CSMD1: variants seen among roughly 807,000 people sequenced by gnomAD.
The protein encoded by CSMD1 is CUB and Sushi multiple domains 1.
Under a neutral mutation model 417.5 loss-of-function variants are expected in CSMD1, and 213 were observed. The ratio of observed to expected loss-of-function variants is 0.51; its 90% confidence interval spans 0.46 to 0.57. The LOEUF is 0.57. Among genes scored for constraint, CSMD1 ranks in the 20% least tolerant of loss-of-function variants. CSMD1 has a pLI of 0.00. For missense variants in CSMD1, 6,923 were observed against 4,529.7 expected (o/e 1.53, Z -15.17); for synonymous variants, 2,862 against 1,736.8 (o/e 1.65, Z -16.11).
At chr8:4,164,792 C>T (rs995901601) in intron 3 of CSMD1, among the ~76,000 whole-genome samples, 1 of 151,742 alleles carries the variant, frequency 6.6e-6, no homozygotes, top group African/African-American at 2.4e-5. Flanking sequence ...AGGAGAATGG[C>T]GTGAAATCCA....
chr8:4,560,827 C>T (rs757831425), intron 2 of CSMD1, among the ~76,000 whole-genome samples: 50 of 152,280 alleles, frequency 3.3e-4, no homozygotes, highest in Admixed American at 9.8e-4. Context: ...CTCTTCTGTC[C>T]TTCACAAGAG....
chr8:4,827,937 T>A (rs1799930478), intron 1 of CSMD1, among the ~76,000 whole-genome samples: 1 of 152,204 alleles, frequency 6.6e-6, no homozygotes, highest in Admixed American at 6.5e-5. Flanking sequence ...TATTCATTCA[T>A]GAGTTTCAAA....
At chr8:3,399,018 T>C (rs1248431767) in intron 16 of CSMD1, among the ~76,000 whole-genome samples, 2 of 152,122 alleles carry the variant, frequency 1.3e-5, no homozygotes, top group Non-Finnish European at 2.9e-5. Flanking sequence ...GGAGAGCTGA[T>C]TTCCTCTACC....
At chr8:3,383,501 A>T (rs993958716) in intron 18 of CSMD1, among the ~76,000 whole-genome samples, 3 of 152,194 alleles carry the variant, frequency 2.0e-5, no homozygotes, top group Non-Finnish European at 2.9e-5. Context: ...ACACTAGGAA[A>T]ACCTCATGCA....
At chr8:4,303,825 G>A (rs1264521342) in intron 3 of CSMD1, among the ~76,000 whole-genome samples, 2 of 151,824 alleles carry the variant, frequency 1.3e-5, no homozygotes, top group Admixed American at 6.6e-5. Flanking sequence ...CCGGCTAATT[G>A]TTGTAGTTTT....
intron 41 of CSMD1, among the ~76,000 whole-genome samples, chr8:3,118,971 G>A (rs1204284384): frequency 6.6e-6 from 1 of 152,196 alleles, no homozygotes; most frequent in Non-Finnish European, 1.5e-5. Context: ...ACGAGGTCAG[G>A]AGATCAAGAC....
At chr8:4,788,307 A>G in intron 1 of CSMD1, 1 of 1,580,798 alleles carries the variant, frequency 6.3e-7, no homozygotes, top group Non-Finnish European at 8.6e-7. Context: ...AGGCAGAAGT[A>G]ATGGTTTGGG....
chr8:3,498,047 AT>A (rs1188202526), intron 10 of CSMD1, among the ~76,000 whole-genome samples: 1 of 152,106 alleles, frequency 6.6e-6, no homozygotes, highest in African/African-American at 2.4e-5. Context: ...TACAACTCTA[AT>A]GTATAGCTTT....
intron 6 of CSMD1, among the ~76,000 whole-genome samples, chr8:3,714,581 A>AAAAT (rs2129042297): frequency 6.7e-6 from 1 of 149,064 alleles, no homozygotes; most frequent in South Asian, 2.2e-4. Context: ...AAAAAAAAAA[A>AAAAT]TTAGCCCCAG....
intron 1 of CSMD1, among the ~76,000 whole-genome samples, chr8:4,741,183 C>T (rs1212467021): frequency 1.3e-5 from 2 of 152,092 alleles, no homozygotes; most frequent in African/African-American, 2.4e-5. Flanking sequence ...ATGTAAGTGT[C>T]AGAGGCATTT....
chr8:3,179,685 T>C lies in CSMD1; in HGVS notation c.5725+1425A>G, dbSNP rs142646705. 2.2e-3 allele frequency among the ~76,000 whole-genome samples: 330 copies of C among 152,282 alleles called. 2 individuals carry two copies. The highest frequency in any genetic ancestry group is 7.6e-3 in the African/African-American group (315 of 41,560). The stretch of plus-strand genomic sequence containing the variant: ...TGAGAATGATAAGAGCATTCATCAA[T>C]ACTAACTCCCCCAAAACTATTAGTG... On this transcript the variant is annotated intron_variant, in intron 37 of 69. Coordinates refer to ENST00000635120, the MANE Select transcript of CSMD1 (RefSeq NM_033225.6).
chr8:4,988,012 C>A (rs1451322739), intron 1 of CSMD1, among the ~76,000 whole-genome samples: 1 of 152,072 alleles, frequency 6.6e-6, no homozygotes. Flanking sequence ...ACTTTGTGCT[C>A]CTGTGAGTCA....
intron 27 of CSMD1, among the ~76,000 whole-genome samples, chr8:3,229,669 T>C (rs989870816): frequency 6.6e-6 from 1 of 152,110 alleles, no homozygotes. Flanking sequence ...TTTTAGTGAG[T>C]AGGTTTTGCT....
At chr8:3,801,598 G>A (rs1463953610) in intron 5 of CSMD1, among the ~76,000 whole-genome samples, 3 of 151,608 alleles carry the variant, frequency 2.0e-5, no homozygotes, top group Admixed American at 1.3e-4. Flanking sequence ...GTTACCCTGT[G>A]AGTAAAGAAT....
At chr8:4,283,050 A>T (rs902546007) in intron 3 of CSMD1, among the ~76,000 whole-genome samples, 1 of 152,118 alleles carries the variant, frequency 6.6e-6, no homozygotes, top group Non-Finnish European at 1.5e-5. Flanking sequence ...AAAATGCCTG[A>T]TAGTTAGAAA....
At chr8:4,140,905 G>C (rs1803749389) in intron 3 of CSMD1, among the ~76,000 whole-genome samples, 1 of 151,022 alleles carries the variant, frequency 6.6e-6, no homozygotes, top group African/African-American at 2.5e-5. Flanking sequence ...GGCTCAGTAG[G>C]GCCGACTTAC....
chr8:4,691,140 A>G (rs1184099984), intron 1 of CSMD1, among the ~76,000 whole-genome samples: 1 of 152,230 alleles, frequency 6.6e-6, no homozygotes, highest in Non-Finnish European at 1.5e-5. Context: ...GGACATTTTA[A>G]CTGCAAGGGA....
intron 2 of CSMD1, among the ~76,000 whole-genome samples, chr8:4,444,079 T>C (rs1012655569): frequency 2.0e-5 from 3 of 152,082 alleles, no homozygotes; most frequent in African/African-American, 7.2e-5. Context: ...CAGTAGCTCA[T>C]GCCTGTAACC....
intron 40 of CSMD1, among the ~76,000 whole-genome samples, chr8:3,150,354 T>C (rs112229118): frequency 5.3e-5 from 8 of 152,162 alleles, no homozygotes; most frequent in East Asian, 1.9e-4. Context: ...TCTTTTCTTG[T>C]GGAACAGTCA....
Sources: gnomAD v4.1 joint callset for allele counts (sites outside exome capture counted in the v4.1 genomes callset) on GRCh38, gnomAD v4.1.1 for gene constraint, MANE v1.5 for transcripts, NCBI Gene and HGNC (gene_info 2026-07-23, HGNC 2026-07-21) for gene names.